Variants in TMEM132B observed in about 807,000 individuals in gnomAD.
TMEM132B encodes transmembrane protein 132B.
A neutral mutation model predicts 90.8 loss-of-function variants in TMEM132B; 18 were observed. The ratio of observed to expected loss-of-function variants is 0.20; its 90% CI spans 0.14 to 0.29. TMEM132B has a LOEUF of 0.29. Ranked by LOEUF, TMEM132B falls within the 10% of genes least tolerant of loss-of-function variation. The pLI is 1.00. For missense variants in TMEM132B, 1,096 were observed against 1,326.8 expected (o/e 0.83, Z 2.70); for synonymous variants, 504 against 523.3 (o/e 0.96, Z 0.50).
intron 4 of TMEM132B, among the ~76,000 whole-genome samples, chr12:125,543,404 A>G (rs1884006001): frequency 6.6e-6 from 1 of 152,256 alleles, no homozygotes. Flanking sequence ...TAAAATTTAC[A>G]TCGTTTTAGG....
In TMEM132B at chr12:125,661,978, C is replaced by T. The variant is rs1266603656; in HGVS notation, c.*7268C>T. ...TGCATCTTAGGTATCAGTTCCCAGC[C>T]TCAGACTCTTCTCAGGCAGGTGGAC... On this transcript the variant is annotated 3_prime_UTR_variant, in exon 9 of 9. Coordinates refer to ENST00000682704, the MANE Select transcript of TMEM132B (RefSeq NM_001366854.1). The T allele has an allele frequency of 1.3e-5, 2 of 152,270 alleles. No individual in the cohort carries two copies. Among genetic ancestry groups the T allele is most frequent in the African/African-American group, 4.8e-5 (2 of 41,446 alleles). 9.4% of individuals were successfully genotyped at this position (152,270 alleles called of 1,614,324 possible).
chr12:125,527,900 A>G (rs1464302414), intron 4 of TMEM132B, among the ~76,000 whole-genome samples: 1 of 152,262 alleles, frequency 6.6e-6, no homozygotes, highest in African/African-American at 2.4e-5. Context: ...GGAATGGATG[A>G]AAGTTTTGAA....
chr12:125,366,717 T>G (rs1219074479), intron 2 of TMEM132B, among the ~76,000 whole-genome samples: 1 of 152,234 alleles, frequency 6.6e-6, no homozygotes, highest in African/African-American at 2.4e-5. Flanking sequence ...TTATCAAATT[T>G]GGGAGAGTTT....
chr12:125,231,598 A>G (rs1873825413), intron 1 of TMEM132B, among the ~76,000 whole-genome samples: 1 of 152,130 alleles, frequency 6.6e-6, no homozygotes, highest in African/African-American at 2.4e-5. Context: ...TTAGTGGTGG[A>G]ACTCTTTTCT....
intron 1 of TMEM132B, among the ~76,000 whole-genome samples, chr12:125,332,839 A>G (rs1314030901): frequency 1.3e-5 from 2 of 152,106 alleles, no homozygotes; most frequent in Non-Finnish European, 2.9e-5. Flanking sequence ...TTGGAAAATA[A>G]TGAACTGCCT....
rs1345516021 is a variant in TMEM132B, at chr12:125,423,787, C to T, written c.1106+8110C>T. Among the ~76,000 whole-genome samples, 14 of 152,154 alleles carry T rather than the reference C, an allele frequency of 9.2e-5. No homozygotes were observed. The East Asian group carries it at 2.7e-3, about 29-fold the overall frequency. The stretch of plus-strand genomic sequence containing the variant: ...CATTCTATGTGATCACATCTATATA[C>T]AGAAATATGTTATTTCTGTGCATAT... On this transcript the variant is annotated intron_variant, in intron 3 of 8. Coordinates refer to ENST00000682704, the MANE Select transcript of TMEM132B (RefSeq NM_001366854.1).
chr12:125,240,580 C>G (rs556122386), intron 1 of TMEM132B, among the ~76,000 whole-genome samples: 10 of 152,262 alleles, frequency 6.6e-5, no homozygotes, highest in African/African-American at 2.4e-4. Flanking sequence ...GATACCCCAG[C>G]ATTGACCTCT....
intron 6 of TMEM132B, among the ~76,000 whole-genome samples, chr12:125,645,747 A>G (rs1886749869): frequency 6.6e-6 from 1 of 152,222 alleles, no homozygotes; most frequent in Admixed American, 6.5e-5. Flanking sequence ...ACTGGCTTGC[A>G]GAACTGTGAG....
intron 3 of TMEM132B, among the ~76,000 whole-genome samples, chr12:125,444,477 C>T (rs548660678): frequency 1.3e-4 from 20 of 152,030 alleles, no homozygotes; most frequent in Non-Finnish European, 2.5e-4. Flanking sequence ...ATTTAATTTC[C>T]CTAATGGAAC....
At position 125,186,937 on chromosome 12, in the gene TMEM132B, T is replaced by A. The variant is rs1957763674; in HGVS notation, c.67+71T>A. ...AAAGTTGGGTGAACGGGCGGCTACC[T>A]CCTTCTCAAGTCCCTGGCAGCGCGC... On this transcript the variant is annotated intron_variant, in intron 1 of 8. Coordinates refer to ENST00000682704, the MANE Select transcript of TMEM132B (RefSeq NM_001366854.1). This position sits in a 1 kb window ranked among gnomAD's most constrained non-coding sequence, Gnocchi z 6.3. The A allele has an allele frequency of 6.6e-6, 1 of 152,116 alleles. No homozygotes were observed. Among genetic ancestry groups the A allele is most frequent in the Non-Finnish European group, 1.5e-5 (1 of 68,098 alleles). The allele number at this position is 152,116 out of a possible 1,614,324, so 9.4% of individuals were successfully genotyped here.
Position 125,246,051 on chromosome 12 carries a change from A to T in TMEM132B, c.67+59185A>T, listed in dbSNP as rs929152485. Among the ~76,000 whole-genome samples, 2 of 152,198 alleles carry T rather than the reference A, an allele frequency of 1.3e-5. No homozygotes were observed. The highest frequency in any genetic ancestry group is 2.9e-5 in the Non-Finnish European group (2 of 68,038). ...CTCGTGTGCTTCTTCCACTGGAAGG[A>T]TGGGCAGAGCCATTCCACTGACCAG... On this transcript the variant is annotated intron_variant, in intron 1 of 8. Transcript: ENST00000682704. The surrounding 1 kb of genome is among the most constrained non-coding windows in gnomAD (Gnocchi z 4.2).
intron 3 of TMEM132B, among the ~76,000 whole-genome samples, chr12:125,453,074 AAAACACAC>A (rs1391595904): frequency 7.7e-6 from 1 of 130,254 alleles, no homozygotes; most frequent in East Asian, 2.2e-4. Flanking sequence ...GCATTTCAGT[AAAACACAC>A]ACACACACAC....
chr12:125,514,855 C>T (rs67480136), intron 3 of TMEM132B, among the ~76,000 whole-genome samples: 1 of 151,810 alleles, frequency 6.6e-6, no homozygotes, highest in African/African-American at 2.4e-5. Context: ...GGTGCCCTGT[C>T]CCTCTCTGCT....
chr12:125,476,285 G>C (rs1033630789), intron 3 of TMEM132B, among the ~76,000 whole-genome samples: 2 of 152,196 alleles, frequency 1.3e-5, no homozygotes, highest in African/African-American at 4.8e-5. Context: ...ATTTTAAGCA[G>C]GTAGGGATTG....
Position 125,658,526 on chromosome 12 carries a change from C to T in TMEM132B, c.*3816C>T, listed in dbSNP as rs868240932. On this transcript the variant is annotated 3_prime_UTR_variant, in exon 9 of 9. Transcript: ENST00000682704. ...TCCATTTCATTCTCTGTAAATGACACAATAGATGGTTTATAGACTCAGCAG... is the reference window on the plus strand; with the variant it reads ...TCCATTTCATTCTCTGTAAATGACATAATAGATGGTTTATAGACTCAGCAG... 1.3e-5 allele frequency: 2 copies of T among 152,168 alleles called. No individual in the cohort carries two copies. The highest frequency in any genetic ancestry group is 4.8e-5 in the African/African-American group (2 of 41,440). 9.4% of individuals were successfully genotyped at this position (152,168 alleles called of 1,614,324 possible).
In TMEM132B at chr12:125,458,565, G is replaced by T. The variant is rs981351285; in HGVS notation, c.1106+42888G>T. Among the ~76,000 whole-genome samples the T allele has an allele frequency of 6.6e-6, 1 of 152,150 alleles. No homozygotes were observed. The highest frequency in any genetic ancestry group is 2.4e-5 in the African/African-American group (1 of 41,438). On this transcript the variant is annotated intron_variant, in intron 3 of 8. Transcript: ENST00000682704. The surrounding 1 kb of genome is among the most constrained non-coding windows in gnomAD (Gnocchi z 4.9). The stretch of plus-strand genomic sequence containing the variant: ...AGAGCTCCCTCAGGGCTGGGGGATG[G>T]TTATGTTGAGAGCAGCCAGGTGGAG...
intron 5 of TMEM132B, among the ~76,000 whole-genome samples, chr12:125,589,187 A>G (rs1028504894): frequency 1.3e-5 from 2 of 152,170 alleles, no homozygotes; most frequent in Non-Finnish European, 2.9e-5. Flanking sequence ...ACATTGCTAT[A>G]AAGAAATACC....
At chr12:125,238,475 A>T (rs1045436484) in intron 1 of TMEM132B, among the ~76,000 whole-genome samples, 1 of 151,504 alleles carries the variant, frequency 6.6e-6, no homozygotes, top group African/African-American at 2.4e-5. Context: ...CCTTTTCTTC[A>T]AGCTTTGGGC....
chr12:125,474,705 G>A (rs921137986), intron 3 of TMEM132B, among the ~76,000 whole-genome samples: 2 of 152,208 alleles, frequency 1.3e-5, no homozygotes, highest in Non-Finnish European at 2.9e-5. Context: ...GGAAATGATT[G>A]GCTGATTTAA....
Sources: allele counts gnomAD v4.1 joint callset (sites outside exome capture counted in the v4.1 genomes callset), GRCh38; gene constraint gnomAD v4.1.1; non-coding constraint Gnocchi (gnomAD v3.1); transcripts MANE v1.5; gene names NCBI Gene and HGNC (gene_info 2026-07-23, HGNC 2026-07-21).